Variants in TMEM216 observed in about 807,000 individuals in gnomAD.
TMEM216 encodes the protein cerebello-oculo-renal syndrome 2.
Under a neutral mutation model 17.8 loss-of-function variants are expected in TMEM216, and 15 were observed. The observed-to-expected ratio is 0.84, with a 90% CI of 0.56 to 1.30. The LOEUF (loss-of-function observed/expected upper bound fraction) is 1.30. TMEM216 is among the 50% of genes most tolerant of loss of function. TMEM216 has a pLI of 0.00. For synonymous variants in TMEM216, 58 were observed against 73.5 expected, an observed-to-expected ratio of 0.79 and a Z score of 1.08; for missense variants, 160 against 175.7, an observed-to-expected ratio of 0.91 and a Z score of 0.51.
At chr11:61,397,739 C>T (rs776942225) in intron 3 of TMEM216, 35 bp from the exon 4 acceptor site, 3 of 1,591,330 alleles carry the variant, frequency 1.9e-6, no homozygotes, top group East Asian at 2.2e-5. Flanking sequence ...AAAAGCAGAC[C>T]ATTTGGAGAT....
At chr11:61,393,127 C>A in intron 1 of TMEM216, 104 bp from the exon 2 acceptor site, 1 of 902,624 alleles carries the variant, frequency 1.1e-6, no homozygotes, top group South Asian at 1.8e-5. Context: ...TGGCCGGTCC[C>A]ATTAGTTGCA....
Position 61,395,728 on chromosome 11 carries a change from C to CAA in TMEM216, c.229+1766_229+1767dup, listed in dbSNP as rs58991741. Among the ~76,000 whole-genome samples the CAA allele has an allele frequency of 9.0e-4, 99 of 110,092 alleles. 1 individual carries two copies. The highest frequency in any genetic ancestry group is 2.7e-3 in the African/African-American group (94 of 34,346). The allele number at this position is 110,092 out of a possible 152,430, so 72.2% of individuals were successfully genotyped here. On this transcript the variant is annotated intron_variant, in intron 3 of 4. Coordinates refer to ENST00000515837, the MANE Select transcript of TMEM216 (RefSeq NM_001173990.3). The stretch of plus-strand genomic sequence containing the variant: ...CTAGCCTGGGCGACAAAGTGAGACT[C>CAA]AAAAAAAAAAAAAAATTGGTAAGGG...
rs145261815 is a variant in TMEM216 at position 61,392,750 on chromosome 11, C to T, written c.34+85C>T. 1.4e-4 allele frequency: 216 copies of T among 1,534,538 alleles called. 2 individuals are homozygous for T. The East Asian group carries it at 4.3e-3, about 30-fold the overall frequency. On this transcript the variant is annotated intron_variant, in intron 1 of 4. Transcript: ENST00000515837. ...CTCTGTCCCAGAGCTTGACCTAAAC[C>T]CTCCATTCTCTAGCGTTAGGGACGT...
rs558038919 is a variant in TMEM216, at chr11:61,397,297, G to T, written c.230-477G>T. ...TTCTCCTGCCTCAGCCTCCCGAGTA[G>T]CTGGGACTACAGGCGCCCGCCACCA... On this transcript the variant is annotated intron_variant, in intron 3 of 4. Transcript: ENST00000515837. Among the ~76,000 whole-genome samples the T allele has an allele frequency of 4.0e-5, 6 of 151,820 alleles. 1 individual carries two copies. In the South Asian group the frequency reaches 1.2e-3, roughly 32 times the overall value.
chr11:61,394,774 C>G (rs1246762569), intron 3 of TMEM216, among the ~76,000 whole-genome samples: 1 of 151,824 alleles, frequency 6.6e-6, no homozygotes, highest in Admixed American at 6.6e-5. Context: ...TCAAGCAATT[C>G]TCCTGCCTCA....
intron 4 of TMEM216, 105 bp from the exon 5 acceptor site, chr11:61,398,165 C>G (rs202131369): frequency 5.4e-6 from 8 of 1,487,680 alleles, no homozygotes; most frequent in Non-Finnish European, 7.4e-6. Flanking sequence ...GATACTCTCC[C>G]TATCCTTTGG....
intron 1 of TMEM216, 194 bp from the exon 2 acceptor site, chr11:61,393,037 T>A: frequency 2.1e-6 from 1 of 468,266 alleles, no homozygotes; most frequent in Non-Finnish European, 2.8e-6. Flanking sequence ...CGGTGATTCC[T>A]AGGAAAGGAG....
intron 3 of TMEM216, among the ~76,000 whole-genome samples, chr11:61,397,329 GCTA>G (rs993783145): frequency 1.1e-4 from 17 of 151,892 alleles, no homozygotes; most frequent in African/African-American, 3.6e-4. Flanking sequence ...ACCACGCCCG[GCTA>G]CTTTTTTTGT....
rs1858696765 is a variant in TMEM216, at chr11:61,392,609, T to C, written c.-23T>C. 1 of 1,535,380 alleles carries C rather than the reference T, an allele frequency of 6.5e-7. No individual in the cohort carries two copies. Among genetic ancestry groups the C allele is most frequent in the Non-Finnish European group, 8.7e-7 (1 of 1,146,642 alleles). ...CCTGTTTCCGGCAGCGCCGCGCTGCTCCGGGAGCCGCTGTGGCAGCGTATG... is the reference window on the plus strand; with the variant it reads ...CCTGTTTCCGGCAGCGCCGCGCTGCCCCGGGAGCCGCTGTGGCAGCGTATG... On this transcript the variant is annotated 5_prime_UTR_variant, in exon 1 of 5. Coordinates refer to ENST00000515837, the MANE Select transcript of TMEM216 (RefSeq NM_001173990.3).
Position 61,393,989 on chromosome 11 carries a change from CA to C in TMEM216, c.229+14del. 1 of 1,611,242 alleles carries C rather than the reference CA, an allele frequency of 6.2e-7. No individual in the cohort carries two copies. Among genetic ancestry groups the C allele is most frequent in the Non-Finnish European group, 8.5e-7 (1 of 1,177,414 alleles). ...CGCCTGTTTTTTGGTAAGTGTTGTC[CA>C]GAGAATATTTCCACTCCTTATGAGA... On this transcript the variant is annotated intron_variant, in intron 3 of 4. Coordinates refer to ENST00000515837, the MANE Select transcript of TMEM216 (RefSeq NM_001173990.3).
At chr11:61,395,601 TGGCGCGCACCTGTAATCCC>T (rs1185798570) in intron 3 of TMEM216, among the ~76,000 whole-genome samples, 2 of 151,846 alleles carry the variant, frequency 1.3e-5, no homozygotes, top group Non-Finnish European at 2.9e-5. Context: ...CTGGGTGTGG[TGGCGCGCACCTGTAATCCC>T]AGCTACTTGG....
intron 3 of TMEM216, 59 bp downstream of exon 3, chr11:61,394,035 T>G: frequency 6.7e-7 from 1 of 1,491,680 alleles, no homozygotes; most frequent in Admixed American, 1.7e-5. Flanking sequence ...ATCTGTAACT[T>G]GATTAACAAG....
At chr11:61,392,890 T>C (rs1858705689) in intron 1 of TMEM216, 11 of 985,250 alleles carry the variant, frequency 1.1e-5, no homozygotes, top group Non-Finnish European at 1.3e-5. Context: ...ACTTCTAGGC[T>C]GGCTCAGGTG....
At position 61,393,990 on chromosome 11, in the gene TMEM216, AGAGAATATTTCCACTCCTTAT is replaced by A; in HGVS notation, c.229+19_229+39del. 6.2e-7 allele frequency: 1 copy of A among 1,611,340 alleles called. No individual in the cohort carries two copies. The highest frequency in any genetic ancestry group is 8.5e-7 in the Non-Finnish European group (1 of 1,177,472). Reference sequence around the variant, plus strand: ...GCCTGTTTTTTGGTAAGTGTTGTCCAGAGAATATTTCCACTCCTTATGAGACAAGCTGGTATCTGTAACTTG... The same window carrying A: ...GCCTGTTTTTTGGTAAGTGTTGTCCAGAGACAAGCTGGTATCTGTAACTTG... On this transcript the variant is annotated intron_variant, in intron 3 of 4. Transcript: ENST00000515837.
At chr11:61,392,702 T>C in intron 1 of TMEM216, 37 bp downstream of exon 1, 1 of 1,536,068 alleles carries the variant, frequency 6.5e-7, no homozygotes, top group Non-Finnish European at 8.7e-7. Flanking sequence ...CTGGTCCCTT[T>C]CCCTTCGGTC....
chr11:61,398,270 G>A lies in TMEM216; in HGVS notation c.432G>A (p.Arg144=), dbSNP rs757397537. The A allele has an allele frequency of 5.6e-6, 9 of 1,611,434 alleles. No homozygotes were observed. Among genetic ancestry groups the A allele is most frequent in the South Asian group, 4.4e-5 (4 of 90,704 alleles). ...LEVLTLAAFS[R]I ...TTTCTTTCTGCCATCGTATGGACAG[G>A]ATTTGAAGTACAGAATTTCAGCCAG... Residue 144 remains arginine (R), a splice_region_variant and synonymous_variant, in exon 5 of 5, where the codon AGG becomes AGA. Coordinates refer to ENST00000515837, the MANE Select transcript of TMEM216 (RefSeq NM_001173990.3).
intron 3 of TMEM216, among the ~76,000 whole-genome samples, chr11:61,394,813 C>A (rs1590643121): frequency 6.6e-6 from 1 of 150,730 alleles, no homozygotes; most frequent in South Asian, 2.1e-4. Context: ...ACTGCAGGCG[C>A]CTGCCACCAT....
chr11:61,398,066 C>A, intron 4 of TMEM216, 91 bp downstream of exon 4: 1 of 1,512,714 alleles, frequency 6.6e-7, no homozygotes, highest in Non-Finnish European at 9.1e-7. Context: ...CCTAAGGGGT[C>A]TAGAAGACTT....
rs751000802 is a variant in TMEM216, at chr11:61,397,813, G to A, written c.269G>A (p.Ser90Asn). 1 of 1,613,816 alleles carries A rather than the reference G, an allele frequency of 6.2e-7. No individual in the cohort carries two copies. The highest frequency in any genetic ancestry group is 8.5e-7 in the Non-Finnish European group (1 of 1,179,896). The change falls in exon 4 of 5, where the codon AGT becomes AAT. Residue 90 changes from serine (S) to asparagine (N), a missense_variant. Transcript: ENST00000515837. Reference sequence around the variant, plus strand: ...CTCTGCCAGCGAAAGATGCCGCTCAGTATTAGCGTGGCCTTGACCTTCCCA... The same window carrying A: ...CTCTGCCAGCGAAAGATGCCGCTCAATATTAGCGTGGCCTTGACCTTCCCA... ...GNLCQRKMPL[S>N]ISVALTFPSA... is the part of the protein sequence containing the mutation.
Sources: gnomAD v4.1 joint callset for allele counts (sites outside exome capture counted in the v4.1 genomes callset) on GRCh38, gnomAD v4.1.1 for gene constraint, MANE v1.5 for transcripts, NCBI Gene and HGNC (gene_info 2026-07-23, HGNC 2026-07-21) for gene names.